CSMD3: variants seen among roughly 807,000 people sequenced by gnomAD.
The protein encoded by CSMD3 is CUB and Sushi multiple domains 3, also known as CUB and sushi domain-containing protein 3.
CSMD3 carries 177 observed loss-of-function variants against 435.2 expected under a neutral mutation model. The ratio of observed to expected loss-of-function variants is 0.41; its 90% CI spans 0.36 to 0.46. The LOEUF (loss-of-function observed/expected upper bound fraction) is 0.46. Among genes scored for constraint, CSMD3 ranks in the 20% least tolerant of loss-of-function variants. CSMD3 has a pLI of 0.34. For missense variants in CSMD3, 4,265 were observed against 4,504.6 expected (o/e 0.95, Z 1.52); for synonymous variants, 1,656 against 1,520.5 (o/e 1.09, Z -2.07).
intron 45 of CSMD3, among the ~76,000 whole-genome samples, chr8:112,325,000 T>C (rs1823358716): frequency 6.6e-6 from 1 of 152,122 alleles, no homozygotes; most frequent in Admixed American, 6.6e-5. Flanking sequence ...TTTCTAACTT[T>C]GTCTGATTAA....
At chr8:113,202,859 G>A (rs372699107) in intron 3 of CSMD3, among the ~76,000 whole-genome samples, 5 of 152,072 alleles carry the variant, frequency 3.3e-5, no homozygotes, top group African/African-American at 7.2e-5. Flanking sequence ...AAAGGAGAAC[G>A]TACACTTGAA....
At chr8:112,687,631 C>G (rs558231976) in intron 14 of CSMD3, among the ~76,000 whole-genome samples, 3 of 152,042 alleles carry the variant, frequency 2.0e-5, no homozygotes, top group Non-Finnish European at 4.4e-5. Flanking sequence ...TTTTATCATT[C>G]AAAAATATTT....
intron 38 of CSMD3, among the ~76,000 whole-genome samples, chr8:112,376,663 C>T (rs1030164857): frequency 2.0e-5 from 3 of 152,106 alleles, no homozygotes; most frequent in African/African-American, 7.2e-5. Flanking sequence ...AGATTCTAAA[C>T]CCCATTATGG....
At chr8:112,836,127 G>A (rs548460422) in intron 11 of CSMD3, among the ~76,000 whole-genome samples, 3 of 151,916 alleles carry the variant, frequency 2.0e-5, no homozygotes, top group Admixed American at 2.0e-4. Flanking sequence ...ATCACTTAGG[G>A]ATTCTGGACA....
chr8:112,943,700 G>A (rs942755000), intron 9 of CSMD3, among the ~76,000 whole-genome samples: 19 of 151,416 alleles, frequency 1.3e-4, no homozygotes, highest in Non-Finnish European at 2.1e-4. Flanking sequence ...TCTTATATGA[G>A]AATAATTTTT....
intron 16 of CSMD3, among the ~76,000 whole-genome samples, chr8:112,679,092 T>G (rs1175081184): frequency 6.7e-6 from 1 of 149,956 alleles, no homozygotes; most frequent in Non-Finnish European, 1.5e-5. Flanking sequence ...CAGGTTTTTT[T>G]TTTTTTTTTT....
rs569704035 is a variant in CSMD3 at position 112,667,649 on chromosome 8, C to T, written c.2678-1234G>A. Among the ~76,000 whole-genome samples, 3 of 152,180 alleles carry T rather than the reference C, an allele frequency of 2.0e-5. No individual in the cohort carries two copies. The South Asian group carries it at 6.2e-4, about 32-fold the overall frequency. ...CTTATTCTCTAGCCTTGTCTCAGAACTCCCCTCCACTCTGCAGCCCAGCTA... is the reference window on the plus strand; with the variant it reads ...CTTATTCTCTAGCCTTGTCTCAGAATTCCCCTCCACTCTGCAGCCCAGCTA... On this transcript the variant is annotated intron_variant, in intron 16 of 70. Transcript: ENST00000297405.
Position 112,254,302 on chromosome 8 carries a change from T to C in CSMD3, c.10061A>G (p.Asn3354Ser), listed in dbSNP as rs376050476. The C allele has an allele frequency of 1.2e-6, 2 of 1,612,558 alleles. No individual in the cohort carries two copies. Among genetic ancestry groups the C allele is most frequent in the Admixed American group, 3.3e-5 (2 of 59,954 alleles). ...CIEPTQTSCE[N>S]PGVPRHGSQN... ...AGATCCATGCCGAGGCACACCTGGGTTTTCACAAGAGGTTTGGGTAGGCTC... is the reference window on the plus strand; with the variant it reads ...AGATCCATGCCGAGGCACACCTGGGCTTTCACAAGAGGTTTGGGTAGGCTC... The change falls in exon 63 of 71, where the codon AAC (asparagine) becomes AGC (serine). Residue 3354 changes from asparagine (N) to serine (S), a missense_variant. Coordinates refer to ENST00000297405, the MANE Select transcript of CSMD3 (RefSeq NM_198123.2).
chr8:112,732,917 T>C (rs897343037), intron 13 of CSMD3, among the ~76,000 whole-genome samples: 6 of 152,122 alleles, frequency 3.9e-5, no homozygotes, highest in African/African-American at 1.4e-4. Flanking sequence ...ACCAAACTTA[T>C]ATGTTACAAC....
At chr8:112,502,162 G>C (rs76860694) in intron 30 of CSMD3, among the ~76,000 whole-genome samples, 3,907 of 152,230 alleles carry the variant, frequency 0.026, 80 homozygotes, top group Non-Finnish European at 0.041. Context: ...TTATCTACCA[G>C]GTGGTTAGAG....
intron 1 of CSMD3, among the ~76,000 whole-genome samples, chr8:113,432,897 GTTTCTCCGTGTCAATTCA>G (rs1429981295): frequency 6.6e-6 from 1 of 152,110 alleles, no homozygotes; most frequent in East Asian, 1.9e-4. Flanking sequence ...ACTCCTAAAG[GTTTCTCCGTGTCAATTCA>G]TGTGTCCTCC....
Position 113,215,633 on chromosome 8 carries a change from A to G in CSMD3, c.515-41717T>C, listed in dbSNP as rs567199277. Among the ~76,000 whole-genome samples the G allele has an allele frequency of 2.6e-5, 4 of 152,058 alleles. No individual in the cohort carries two copies. The South Asian group carries it at 8.3e-4, about 32-fold the overall frequency. On this transcript the variant is annotated intron_variant, in intron 3 of 70. Coordinates refer to ENST00000297405, the MANE Select transcript of CSMD3 (RefSeq NM_198123.2). ...TTACTCTCAAGTAAATATGCCAATG[A>G]ATCAATTTCACACTAAAATTAAGTT...
At chr8:113,413,262 T>C (rs1055782204) in intron 1 of CSMD3, among the ~76,000 whole-genome samples, 2 of 152,176 alleles carry the variant, frequency 1.3e-5, no homozygotes, top group Non-Finnish European at 2.9e-5. Context: ...AAATTAACTA[T>C]GTTTTTATTG....
At chr8:112,277,660 G>T (rs1002110586) in intron 59 of CSMD3, among the ~76,000 whole-genome samples, 5 of 152,070 alleles carry the variant, frequency 3.3e-5, no homozygotes, top group Admixed American at 2.0e-4. Context: ...TGCTGAAAAA[G>T]ACATACCCAA....
At chr8:113,224,105 A>T (rs2093000083) in intron 3 of CSMD3, among the ~76,000 whole-genome samples, 2 of 151,176 alleles carry the variant, frequency 1.3e-5, no homozygotes, top group Non-Finnish European at 3.0e-5. Context: ...AAAGACCTAC[A>T]CAAAAATTTC....
At chr8:112,263,390 G>A (rs936658040) in intron 61 of CSMD3, among the ~76,000 whole-genome samples, 3 of 152,032 alleles carry the variant, frequency 2.0e-5, no homozygotes, top group Admixed American at 2.0e-4. Context: ...TAAATTTAAG[G>A]CTGTCTCTAA....
At chr8:112,528,890 G>T (rs1436417588) in intron 27 of CSMD3, among the ~76,000 whole-genome samples, 1 of 151,982 alleles carries the variant, frequency 6.6e-6, no homozygotes, top group African/African-American at 2.4e-5. Flanking sequence ...ACTCCACAAA[G>T]GTCTGGCTTC....
chr8:113,350,302 G>A (rs190507543), intron 1 of CSMD3, among the ~76,000 whole-genome samples: 47 of 152,164 alleles, frequency 3.1e-4, no homozygotes, highest in African/African-American at 1.0e-3. Flanking sequence ...TTAGATAACT[G>A]ACATATATAA....
At chr8:112,556,726 C>T (rs2131223232) in intron 25 of CSMD3, 37 bp downstream of exon 25, 1 of 1,513,360 alleles carries the variant, frequency 6.6e-7, no homozygotes, top group South Asian at 1.1e-5. Context: ...AAAGTTTTCA[C>T]AGAAATATTC....
Sources: gnomAD v4.1 joint callset for allele counts (sites outside exome capture counted in the v4.1 genomes callset) on GRCh38, gnomAD v4.1.1 for gene constraint, MANE v1.5 for transcripts, NCBI Gene and HGNC (gene_info 2026-07-23, HGNC 2026-07-21) for gene names.